TMEM42: variants seen among roughly 807,000 people sequenced by gnomAD.
TMEM42 encodes transmembrane protein 42.
TMEM42 carries 8 observed loss-of-function variants against 14.0 expected under a neutral mutation model. The ratio of observed to expected loss-of-function variants is 0.57; its 90% CI spans 0.34 to 1.03. The LOEUF (loss-of-function observed/expected upper bound fraction) is 1.03. Among genes scored for constraint, TMEM42 ranks in the 50% least tolerant of loss-of-function variants. The probability of loss-of-function intolerance (pLI) is 0.03; values close to 1 mark genes in which losing one functional copy is unlikely to be tolerated. For missense variants in TMEM42, 211 were observed against 219.8 expected, an observed-to-expected ratio of 0.96 and a Z score of 0.25; for synonymous variants, 115 against 94.3, an observed-to-expected ratio of 1.22 and a Z score of -1.27.
At position 44,864,244 on chromosome 3, in the gene TMEM42, C is replaced by G. The variant is rs1321734661; in HGVS notation, c.240C>G (p.Thr80=). 3.1e-6 allele frequency: 5 copies of G among 1,613,998 alleles called. No individual in the cohort carries two copies. In the South Asian group the frequency reaches 4.4e-5, roughly 14 times the overall value. ...CVLGIIVMAS[T]NSLMWTFFSR... ...TAGGCATTATTGTGATGGCGAGCAC[C>G]AATTCTCTGATGTGGACCTTCTTTA... The change falls in exon 2 of 3, where the codon ACC becomes ACG. Residue 80 remains threonine (T), a synonymous_variant. Coordinates refer to ENST00000302392, the MANE Select transcript of TMEM42 (RefSeq NM_144638.3).
chr3:44,863,950 A>C (rs1056045924), intron 1 of TMEM42: 14 of 520,624 alleles, frequency 2.7e-5, no homozygotes, highest in Non-Finnish European at 4.5e-5. Context: ...CTTCTTCCCA[A>C]GATCATATGG....
At chr3:44,864,458 T>G in intron 2 of TMEM42, 115 bp downstream of exon 2, 1 of 1,366,450 alleles carries the variant, frequency 7.3e-7, no homozygotes, top group Non-Finnish European at 1.0e-6. Flanking sequence ...AAGCAGAGGT[T>G]GGGCTGTGGC....
chr3:44,862,826 ATTAT>A (rs1699273797), intron 1 of TMEM42: 1 of 151,858 alleles, frequency 6.6e-6, no homozygotes, highest in African/African-American at 2.4e-5. Flanking sequence ...GTGGTCACTG[ATTAT>A]TTAGGGTTAA....
At chr3:44,864,059 G>T (rs1699293133) in intron 1 of TMEM42, 138 bp from the exon 2 acceptor site, 1 of 978,878 alleles carries the variant, frequency 1.0e-6, no homozygotes, top group East Asian at 2.4e-5. Flanking sequence ...GTGCAGGAAA[G>T]CTCTGAGGCC....
chr3:44,863,636 G>A (rs1699288544), intron 1 of TMEM42: 1 of 152,598 alleles, frequency 6.6e-6, no homozygotes, highest in Non-Finnish European at 1.5e-5. Context: ...ATGAAGTTAA[G>A]GAATAAATGA....
rs1413410377 is a variant in TMEM42, at chr3:44,865,161, T to C, written c.461T>C (p.Leu154Pro). ...HRKLPPTWKP[L>P]PHKQQ is the part of the protein sequence containing the mutation. ...AAGCTCCCACCCACCTGGAAGCCCC[T>C]TCCACACAAGCAGCAGTAGCACCAC... The change falls in exon 3 of 3, where the codon CTT (leucine) becomes CCT (proline). Residue 154 changes from leucine (L) to proline (P), a missense_variant. By Grantham distance (98) the Leu-to-Pro change is moderately conservative. Transcript: ENST00000302392. 2 of 1,614,048 alleles carry C rather than the reference T, an allele frequency of 1.2e-6. No individual in the cohort carries two copies. Among genetic ancestry groups the C allele is most frequent in the Non-Finnish European group, 1.7e-6 (2 of 1,180,024 alleles).
chr3:44,864,287 T>C lies in TMEM42; in HGVS notation c.283T>C (p.Ser95Pro). ...WTFFSRGLSF[S>P]MSSAIASVTV... ...CTTCTTTAGCCGGGGCCTCAGTTTC[T>C]CCATGTCTTCAGCCATTGCATCTGT... The change falls in exon 2 of 3, where the codon TCC becomes CCC. Residue 95 changes from serine to proline, a missense_variant. Transcript: ENST00000302392. The C allele has an allele frequency of 6.2e-7, 1 of 1,614,230 alleles. No individual in the cohort carries two copies. The highest frequency in any genetic ancestry group is 2.2e-5 in the East Asian group (1 of 44,890).
At chr3:44,863,390 A>G (rs1188286351) in intron 1 of TMEM42, 1 of 141,070 alleles carries the variant, frequency 7.1e-6, no homozygotes, top group African/African-American at 2.6e-5. Context: ...GGAGGCTTCT[A>G]AAGATCTTCT....
In TMEM42 at chr3:44,864,206, G is replaced by A; in HGVS notation, c.202G>A (p.Gly68Ser). ...ACACTTTCTCCTGCAGGTGAGCATG[G>A]GTTTATGCGTCTTAGGCATTATTGT... is the stretch of plus-strand genomic sequence containing the variant. ...KLAFGSEVSMGLCVLGIIVMA... is the reference protein window; with the variant it reads ...KLAFGSEVSMSLCVLGIIVMA... Residue 68 changes from glycine (G) to serine (S), a missense_variant, in exon 2 of 3, where the codon GGT becomes AGT. Gly to Ser is a moderately conservative substitution (Grantham distance 56). Transcript: ENST00000302392. 2 of 1,613,998 alleles carry A rather than the reference G, an allele frequency of 1.2e-6. No homozygotes were observed. The highest frequency in any genetic ancestry group is 1.7e-6 in the Non-Finnish European group (2 of 1,180,034).
rs951705453 is a variant in TMEM42 at position 44,863,434 on chromosome 3, A to G, written c.193-763A>G. ...GAGACTTTCTCCTTTAAAAAAAAAG[A>G]AAGAAAATACCTGCAAGTTCTCCAA... On this transcript the variant is annotated intron_variant, in intron 1 of 2. Transcript: ENST00000302392. The G allele has an allele frequency of 5.9e-5, 9 of 151,988 alleles. No individual in the cohort carries two copies. In the South Asian group the frequency reaches 1.5e-3, roughly 25 times the overall value. 9.4% of individuals were successfully genotyped at this position (151,988 alleles called of 1,614,324 possible).
intron 1 of TMEM42, chr3:44,863,965 C>A: frequency 1.9e-6 from 1 of 535,074 alleles, no homozygotes; most frequent in Non-Finnish European, 3.3e-6. Context: ...ATATGGCCAG[C>A]AAGGTGGCCA....
intron 1 of TMEM42, 46 bp downstream of exon 1, chr3:44,862,162 CG>C: frequency 4.8e-5 from 2 of 41,892 alleles, no homozygotes; most frequent in Non-Finnish European, 9.0e-5. Context: ...GGCGGGCGGG[CG>C]GGGCGCCGCT....
At chr3:44,863,800 T>A (rs1300212552) in intron 1 of TMEM42, 2 of 192,072 alleles carry the variant, frequency 1.0e-5, no homozygotes, top group African/African-American at 4.6e-5. Flanking sequence ...TCTCAAGAAA[T>A]AAGAACTCTA....
At chr3:44,862,231 C>T (rs1279333342) in intron 1 of TMEM42, 115 bp downstream of exon 1, 1 of 533,304 alleles carries the variant, frequency 1.9e-6, no homozygotes, top group Non-Finnish European at 2.4e-6. Context: ...CGGGGGTGGG[C>T]GCAGGGCGCC....
In TMEM42 at chr3:44,864,223, CATT is replaced by C; in HGVS notation, c.223_225del (p.Ile75del). 1 of 1,614,164 alleles carries C rather than the reference CATT, an allele frequency of 6.2e-7. No individual in the cohort carries two copies. Among genetic ancestry groups the C allele is most frequent in the Non-Finnish European group, 8.5e-7 (1 of 1,180,032 alleles). Reference sequence around the variant, plus strand: ...TGAGCATGGGTTTATGCGTCTTAGGCATTATTGTGATGGCGAGCACCAATTCTC... The same window carrying C: ...TGAGCATGGGTTTATGCGTCTTAGGCATTGTGATGGCGAGCACCAATTCTC... On this transcript the variant is annotated inframe_deletion, in exon 2 of 3. Coordinates refer to ENST00000302392, the MANE Select transcript of TMEM42 (RefSeq NM_144638.3).
intron 2 of TMEM42, among the ~76,000 whole-genome samples, chr3:44,864,636 A>G (rs1699301068): frequency 1.3e-5 from 2 of 152,236 alleles, no homozygotes; most frequent in African/African-American, 2.4e-5. Context: ...GCTGTTTCCT[A>G]GGGTTCTGTG....
At position 44,865,440 on chromosome 3, in the gene TMEM42, T is replaced by C; in HGVS notation, c.*260T>C. On this transcript the variant is annotated 3_prime_UTR_variant, in exon 3 of 3. Transcript: ENST00000302392. ...GCCTACCCCAGTGAGCCTTCGCAGA[T>C]GCTGGAGATCCTGGGGTTGGTCTGC... is the stretch of plus-strand genomic sequence containing the variant. 2.1e-6 allele frequency: 1 copy of C among 469,324 alleles called. No individual in the cohort carries two copies. The highest frequency in any genetic ancestry group is 3.8e-6 in the Non-Finnish European group (1 of 260,178). The allele number at this position is 469,324 out of a possible 1,614,324, so 29.1% of individuals were successfully genotyped here. A position where few individuals can be genotyped will look rare whatever the true frequency, so the allele number is the denominator to read the frequency against.
intron 1 of TMEM42, chr3:44,862,840 A>G (rs1230933156): frequency 6.6e-6 from 1 of 151,856 alleles, no homozygotes; most frequent in Non-Finnish European, 1.5e-5. Context: ...TTTAGGGTTA[A>G]GCCTATTTAG....
At chr3:44,864,141 G>T in intron 1 of TMEM42, 56 bp from the exon 2 acceptor site, 2 of 1,608,356 alleles carry the variant, frequency 1.2e-6, no homozygotes, top group East Asian at 2.2e-5. Context: ...GCTTTGAGGG[G>T]GTCTGCAGGT....
Sources: allele counts gnomAD v4.1 joint callset (sites outside exome capture counted in the v4.1 genomes callset), GRCh38; gene constraint gnomAD v4.1.1; transcripts MANE v1.5; gene names NCBI Gene and HGNC (gene_info 2026-07-23, HGNC 2026-07-21).